CADPS2: variants seen among roughly 807,000 people sequenced by gnomAD.
CADPS2 encodes calcium dependent secretion activator 2.
In CADPS2, 93 loss-of-function variants were observed where a neutral mutation model predicts 172.5. The observed-to-expected ratio is 0.54, with a 90% CI of 0.46 to 0.64. The LOEUF (loss-of-function observed/expected upper bound fraction) is 0.64. Ranked by LOEUF, CADPS2 falls within the 30% of genes least tolerant of loss-of-function variation. The pLI, the probability that CADPS2 is intolerant of heterozygous loss-of-function variation, is 0.00. For synonymous variants in CADPS2, 546 were observed against 555.2 expected, an observed-to-expected ratio of 0.98 and a Z score of 0.23; for missense variants, 1,420 against 1,565.9, an observed-to-expected ratio of 0.91 and a Z score of 1.57.
intron 8 of CADPS2, among the ~76,000 whole-genome samples, chr7:122,529,848 C>T (rs1030319004): frequency 6.6e-6 from 1 of 152,030 alleles, no homozygotes; most frequent in Non-Finnish European, 1.5e-5. Flanking sequence ...CAGGGAGATA[C>T]ATAAATAATT....
chr7:122,674,011 G>A (rs953400718), intron 2 of CADPS2, among the ~76,000 whole-genome samples: 5 of 152,124 alleles, frequency 3.3e-5, no homozygotes, highest in African/African-American at 9.7e-5. Context: ...ACTCCAGCGC[G>A]GCTCGGGCGG....
rs529823898 is a variant in CADPS2 at position 122,518,094 on chromosome 7, T to C, written c.1476-4779A>G. Among the ~76,000 whole-genome samples the C allele has an allele frequency of 3.3e-5, 5 of 152,104 alleles. No homozygotes were observed. In the East Asian group the frequency reaches 9.7e-4, roughly 29 times the overall value. ...CCTGATATTATGCTCCACTAGGCAA[T>C]AGATTTTGTTCATTACATTTACAGG... On this transcript the variant is annotated intron_variant, in intron 8 of 29. Coordinates refer to ENST00000449022, the MANE Select transcript of CADPS2 (RefSeq NM_017954.11).
chr7:122,626,013 C>G (rs545012889), intron 4 of CADPS2, among the ~76,000 whole-genome samples: 1 of 152,050 alleles, frequency 6.6e-6, no homozygotes, highest in African/African-American at 2.4e-5. Flanking sequence ...AGGGCCAAGA[C>G]CCTGTGGCAA....
intron 1 of CADPS2, among the ~76,000 whole-genome samples, chr7:122,833,323 A>C (rs764461879): frequency 1.3e-5 from 2 of 152,140 alleles, no homozygotes; most frequent in African/African-American, 2.4e-5. Flanking sequence ...AAGAATTAAT[A>C]AATTGATATG....
chr7:122,484,135 C>G (rs891401167), intron 11 of CADPS2, among the ~76,000 whole-genome samples: 7 of 152,090 alleles, frequency 4.6e-5, no homozygotes, highest in Admixed American at 4.6e-4. Flanking sequence ...TATATATAAA[C>G]AATTATTTGT....
chr7:122,790,772 C>A (rs962651354), intron 1 of CADPS2, among the ~76,000 whole-genome samples: 1 of 152,136 alleles, frequency 6.6e-6, no homozygotes, highest in African/African-American at 2.4e-5. Context: ...TACTGCAATG[C>A]ATGACTAGTT....
At chr7:122,622,507 A>G (rs1283976971) in intron 4 of CADPS2, among the ~76,000 whole-genome samples, 2 of 152,192 alleles carry the variant, frequency 1.3e-5, no homozygotes, top group Admixed American at 6.5e-5. Context: ...TGTTCCAAAT[A>G]TTGATATTTA....
Position 122,325,457 on chromosome 7 carries a change from T to C in CADPS2, c.3717+20A>G. On this transcript the variant is annotated intron_variant, in intron 29 of 29. Coordinates refer to ENST00000449022, the MANE Select transcript of CADPS2 (RefSeq NM_017954.11). ...CTTATAGCTTAGTGGGCAATTCATA[T>C]CTAAACACATTTTGTTTACCTTCAC... 6.7e-7 allele frequency: 1 copy of C among 1,503,576 alleles called. No homozygotes were observed. The highest frequency in any genetic ancestry group is 2.3e-5 in the East Asian group (1 of 43,608). 93.1% of individuals were successfully genotyped at this position (1,503,576 alleles called of 1,614,324 possible).
At chr7:122,490,315 T>G (rs1473458886) in intron 10 of CADPS2, 34 bp from the exon 11 acceptor site, 3 of 1,595,602 alleles carry the variant, frequency 1.9e-6, no homozygotes, top group Non-Finnish European at 1.7e-6. Flanking sequence ...CATTAAAAAT[T>G]TATAGGATTG....
chr7:122,495,695 T>C (rs1315027076), intron 9 of CADPS2, among the ~76,000 whole-genome samples: 2 of 152,204 alleles, frequency 1.3e-5, no homozygotes, highest in East Asian at 3.9e-4. Context: ...GGTTGTTGGG[T>C]GCACAGATCT....
chr7:122,775,399 G>C (rs1225533139), intron 1 of CADPS2, among the ~76,000 whole-genome samples: 1 of 152,172 alleles, frequency 6.6e-6, no homozygotes, highest in Non-Finnish European at 1.5e-5. Context: ...AGATCCCAAA[G>C]GGTGATTCAA....
At chr7:122,800,683 A>T (rs1366890594) in intron 1 of CADPS2, among the ~76,000 whole-genome samples, 1 of 152,146 alleles carries the variant, frequency 6.6e-6, no homozygotes, top group Non-Finnish European at 1.5e-5. Context: ...CAACTAAAGG[A>T]GGAAAAGAGC....
chr7:122,539,003 A>T (rs2062625018), intron 8 of CADPS2, among the ~76,000 whole-genome samples: 1 of 152,086 alleles, frequency 6.6e-6, no homozygotes, highest in African/African-American at 2.4e-5. Context: ...GAAAAAAATT[A>T]AATATCTATA....
chr7:122,497,412 A>AGTATTTATGAGG (rs1276073523), intron 9 of CADPS2, among the ~76,000 whole-genome samples: 27 of 152,238 alleles, frequency 1.8e-4, no homozygotes, highest in African/African-American at 6.0e-4. Flanking sequence ...AAACATTAAC[A>AGTATTTATGAGG]AAATCTCCCT....
chr7:122,704,975 C>A (rs937498792), intron 2 of CADPS2, among the ~76,000 whole-genome samples: 2 of 151,870 alleles, frequency 1.3e-5, no homozygotes, highest in African/African-American at 4.8e-5. Context: ...GGTTAAGAAA[C>A]CCTAATCTAA....
intron 1 of CADPS2, among the ~76,000 whole-genome samples, chr7:122,779,293 C>T (rs2139334314): frequency 6.6e-6 from 1 of 152,154 alleles, no homozygotes; most frequent in East Asian, 1.9e-4. Flanking sequence ...TGGGACAGCT[C>T]TACTTCAGGC....
chr7:122,738,240 G>A (rs182579079), intron 1 of CADPS2, among the ~76,000 whole-genome samples: 87 of 152,248 alleles, frequency 5.7e-4, no homozygotes, highest in African/African-American at 2.0e-3. Flanking sequence ...ATAAAAATAA[G>A]GAGCTTCTTA....
chr7:122,560,594 G>T (rs2132186156), intron 7 of CADPS2, among the ~76,000 whole-genome samples: 1 of 152,220 alleles, frequency 6.6e-6, no homozygotes, highest in East Asian at 1.9e-4. Flanking sequence ...TTCAATTTTT[G>T]ATTAAAAATC....
chr7:122,820,311 C>G (rs951558991), intron 1 of CADPS2, among the ~76,000 whole-genome samples: 1 of 152,146 alleles, frequency 6.6e-6, no homozygotes, highest in Non-Finnish European at 1.5e-5. Context: ...GCCCCCATTA[C>G]TTCAATCAAG....
Sources: gnomAD v4.1 joint callset for allele counts (sites outside exome capture counted in the v4.1 genomes callset) on GRCh38, gnomAD v4.1.1 for gene constraint, MANE v1.5 for transcripts, NCBI Gene and HGNC (gene_info 2026-07-23, HGNC 2026-07-21) for gene names.